The following ZEB1 variants were observed in gnomAD, a reference collection of about 807,000 sequenced individuals.
ZEB1 encodes zinc finger E-box binding homeobox 1.
In ZEB1, 21 loss-of-function variants were observed where a neutral mutation model predicts 84.9. That is an observed-to-expected ratio of 0.25 (90% CI 0.18 to 0.36). ZEB1 has a LOEUF of 0.36. Among genes scored for constraint, ZEB1 ranks in the 10% least tolerant of loss-of-function variants. The pLI is 1.00. For synonymous variants in ZEB1, 420 were observed against 471.1 expected (o/e 0.89, Z 1.41); for missense variants, 1,104 against 1,330.2 (o/e 0.83, Z 2.65).
At chr10:31,445,852 A>G (rs2136791238) in intron 1 of ZEB1, among the ~76,000 whole-genome samples, 1 of 116,860 alleles carries the variant, frequency 8.6e-6, no homozygotes, top group Admixed American at 9.3e-5. Context: ...ATCAATGTTC[A>G]TCAAGGATAT....
intron 8 of ZEB1, among the ~76,000 whole-genome samples, chr10:31,526,096 G>C (rs900426237): frequency 6.6e-6 from 1 of 152,078 alleles, no homozygotes; most frequent in African/African-American, 2.4e-5. Flanking sequence ...TTGCCCTCAC[G>C]GGCCAAAACT....
chr10:31,334,445 A>C (rs1019656180), intron 1 of ZEB1, among the ~76,000 whole-genome samples: 1 of 152,132 alleles, frequency 6.6e-6, no homozygotes, highest in Non-Finnish European at 1.5e-5. Context: ...TGTACACGAC[A>C]ACTTATGTAT....
At chr10:31,336,090 G>T (rs1381565314) in intron 1 of ZEB1, among the ~76,000 whole-genome samples, 1 of 152,118 alleles carries the variant, frequency 6.6e-6, no homozygotes, top group Non-Finnish European at 1.5e-5. Context: ...AATGTACCAT[G>T]TTTATAAAAG....
At chr10:31,327,979 A>T (rs2035952668) in intron 1 of ZEB1, among the ~76,000 whole-genome samples, 1 of 151,598 alleles carries the variant, frequency 6.6e-6, no homozygotes, top group South Asian at 2.1e-4. Flanking sequence ...CATACCCTTT[A>T]CCCCTCTTTT....
intron 1 of ZEB1, among the ~76,000 whole-genome samples, chr10:31,339,786 A>G (rs557766296): frequency 1.3e-5 from 2 of 151,520 alleles, no homozygotes; most frequent in South Asian, 2.1e-4. Context: ...AAAAAAACCT[A>G]TATAAAATAG....
At chr10:31,372,658 A>G (rs2134479089) in intron 1 of ZEB1, among the ~76,000 whole-genome samples, 1 of 152,170 alleles carries the variant, frequency 6.6e-6, no homozygotes, top group South Asian at 2.1e-4. Context: ...TATAGATGAT[A>G]CTGTCAGAGT....
rs1187693393 is a variant in ZEB1 at position 31,529,262 on chromosome 10, C to T, written c.*1998C>T. 1 of 152,160 alleles carries T rather than the reference C, an allele frequency of 6.6e-6. No homozygotes were observed. The highest frequency in any genetic ancestry group is 6.5e-5 in the Admixed American group (1 of 15,278). 9.4% of individuals were successfully genotyped at this position (152,160 alleles called of 1,614,324 possible). A position where few individuals can be genotyped will look rare whatever the true frequency, so the allele number is the denominator to read the frequency against. On this transcript the variant is annotated 3_prime_UTR_variant, in exon 9 of 9. Coordinates refer to ENST00000424869, the MANE Select transcript of ZEB1 (RefSeq NM_001174096.2). Reference sequence around the variant, plus strand: ...CTTTGGAAAACTGTGAAATGGGGTACATTGTCATCCTGCATTTGATTCATC... The same window carrying T: ...CTTTGGAAAACTGTGAAATGGGGTATATTGTCATCCTGCATTTGATTCATC...
intron 4 of ZEB1, among the ~76,000 whole-genome samples, chr10:31,506,742 T>C (rs1459506497): frequency 6.6e-6 from 1 of 152,090 alleles, no homozygotes; most frequent in Non-Finnish European, 1.5e-5. Flanking sequence ...AAGTGGAAAG[T>C]TTAATCCGTT....
At chr10:31,501,101 T>G (rs2068058623) in intron 3 of ZEB1, among the ~76,000 whole-genome samples, 1 of 152,202 alleles carries the variant, frequency 6.6e-6, no homozygotes, top group African/African-American at 2.4e-5. Flanking sequence ...CAGATGCCCA[T>G]ACATCCCCAT....
intron 1 of ZEB1, among the ~76,000 whole-genome samples, chr10:31,444,714 A>G (rs1591343571): frequency 2.0e-5 from 3 of 152,118 alleles, no homozygotes; most frequent in Non-Finnish European, 4.4e-5. Flanking sequence ...GTCAAAGATC[A>G]GATAGTCGTA....
At chr10:31,337,695 T>G (rs1267162418) in intron 1 of ZEB1, among the ~76,000 whole-genome samples, 1 of 146,374 alleles carries the variant, frequency 6.8e-6, no homozygotes, top group African/African-American at 2.5e-5. Flanking sequence ...TTTTTTTTTT[T>G]TTTTTTTTTT....
intron 1 of ZEB1, among the ~76,000 whole-genome samples, chr10:31,381,043 A>G (rs1267569484): frequency 6.6e-6 from 1 of 152,194 alleles, no homozygotes; most frequent in Non-Finnish European, 1.5e-5. Flanking sequence ...CAAGCTGAAC[A>G]GTATCATCTA....
intron 2 of ZEB1, among the ~76,000 whole-genome samples, chr10:31,478,893 A>G (rs1333044058): frequency 1.3e-5 from 2 of 151,734 alleles, no homozygotes; most frequent in African/African-American, 2.4e-5. Flanking sequence ...GATTTTTATA[A>G]TTCGAATTTA....
Position 31,329,717 on chromosome 10 carries a change from G to A in ZEB1, c.58+10425G>A, listed in dbSNP as rs75402451. 5.6e-3 allele frequency among the ~76,000 whole-genome samples: 848 copies of A among 152,154 alleles called. 13 individuals carry two copies. Among genetic ancestry groups the A allele is most frequent in the African/African-American group, 0.02 (812 of 41,536 alleles). On this transcript the variant is annotated intron_variant, in intron 1 of 8. Coordinates refer to ENST00000424869, the MANE Select transcript of ZEB1 (RefSeq NM_001174096.2). Reference sequence around the variant, plus strand: ...TTGTTCCACATCCTTGCAAACAATTGTCCATGTTTTTAATTTTAACCATTC... The same window carrying A: ...TTGTTCCACATCCTTGCAAACAATTATCCATGTTTTTAATTTTAACCATTC...
intron 1 of ZEB1, among the ~76,000 whole-genome samples, chr10:31,355,670 AG>A (rs992069301): frequency 1.3e-5 from 2 of 152,178 alleles, no homozygotes; most frequent in Admixed American, 1.3e-4. Context: ...AATTAGGAGA[AG>A]GGTTAGGATG....
At chr10:31,439,738 T>A (rs2058696567) in intron 1 of ZEB1, among the ~76,000 whole-genome samples, 1 of 152,048 alleles carries the variant, frequency 6.6e-6, no homozygotes, top group African/African-American at 2.4e-5. Flanking sequence ...AATTGGGCAG[T>A]TCATAAAGAA....
Position 31,527,409 on chromosome 10 carries a change from CA to C in ZEB1, c.*149del. The C allele has an allele frequency of 4.5e-6, 3 of 662,632 alleles. No homozygotes were observed. Among genetic ancestry groups the C allele is most frequent in the South Asian group, 3.7e-5 (2 of 54,630 alleles). 41.0% of individuals were successfully genotyped at this position (662,632 alleles called of 1,614,324 possible). A position where few individuals can be genotyped will look rare whatever the true frequency, so the allele number is the denominator to read the frequency against. ...GTAAAAACTAAAAAAATACAAAATA[CA>C]AAACACACACACACACACACACACA... On this transcript the variant is annotated 3_prime_UTR_variant, in exon 9 of 9. Transcript: ENST00000424869.
chr10:31,528,870 AC>A lies in ZEB1; in HGVS notation c.*1607del, dbSNP rs1359835928. 6.6e-6 allele frequency: 1 copy of A among 152,214 alleles called. No individual in the cohort carries two copies. Among genetic ancestry groups the A allele is most frequent in the Non-Finnish European group, 1.5e-5 (1 of 68,034 alleles). 9.4% of individuals were successfully genotyped at this position (152,214 alleles called of 1,614,324 possible). ...TAAATGGGAATGTATTAGTTTTACA[AC>A]TACAATCAAGTCATTTTACCTTTAC... On this transcript the variant is annotated 3_prime_UTR_variant, in exon 9 of 9. Coordinates refer to ENST00000424869, the MANE Select transcript of ZEB1 (RefSeq NM_001174096.2).
intron 1 of ZEB1, among the ~76,000 whole-genome samples, chr10:31,391,460 G>C (rs2049714388): frequency 6.6e-6 from 1 of 152,052 alleles, no homozygotes; most frequent in Non-Finnish European, 1.5e-5. Flanking sequence ...ACAATTTACT[G>C]TCATTTGAAA....
Sources: gnomAD v4.1 joint callset for allele counts (sites outside exome capture counted in the v4.1 genomes callset) on GRCh38, gnomAD v4.1.1 for gene constraint, MANE v1.5 for transcripts, NCBI Gene and HGNC (gene_info 2026-07-23, HGNC 2026-07-21) for gene names.